Variants in BOD1L1 observed in about 807,000 individuals in gnomAD.
The protein encoded by BOD1L1 is biorientation of chromosomes in cell division 1 like 1.
Under a neutral mutation model 240.7 loss-of-function variants are expected in BOD1L1, and 86 were observed. The observed-to-expected ratio is 0.36, with a 90% CI of 0.30 to 0.43. The LOEUF (loss-of-function observed/expected upper bound fraction) is 0.43. BOD1L1 is among the 20% of genes least tolerant of loss of function. The pLI, the probability that BOD1L1 is intolerant of heterozygous loss-of-function variation, is 1.00. For missense variants in BOD1L1, 3,554 were observed against 3,643.5 expected (o/e 0.98, Z 0.63); for synonymous variants, 1,268 against 1,272.3 (o/e 1.00, Z 0.07).
chr4:13,597,093 A>G lies in BOD1L1; in HGVS notation c.8019+11T>C. 1 of 1,577,350 alleles carries G rather than the reference A, an allele frequency of 6.3e-7. No individual in the cohort carries two copies. The highest frequency in any genetic ancestry group is 8.6e-7 in the Non-Finnish European group (1 of 1,158,582). ...ACTTACAGTTCAGCACAGCTGAATT[A>G]TAAGCCATACCTCCATTTTCAAGTT... On this transcript the variant is annotated intron_variant, in intron 11 of 25. Transcript: ENST00000040738.
Position 13,602,746 on chromosome 4 carries a change from G to C in BOD1L1, c.4154C>G (p.Pro1385Arg). 6.2e-7 allele frequency: 1 copy of C among 1,613,944 alleles called. No individual in the cohort carries two copies. The highest frequency in any genetic ancestry group is 8.5e-7 in the Non-Finnish European group (1 of 1,179,880). The stretch of plus-strand genomic sequence containing the variant: ...CACGCCCGTTAACTTACTTCCAAGA[G>C]GCATGATTACCTTTCCTTGTTTACC... ...LDGKQGKVIM[P>R]LGSKLTGVIV... is the part of the protein sequence containing the mutation. The change falls in exon 10 of 26, where the codon CCT (proline) becomes CGT (arginine). Residue 1385 changes from proline to arginine, a missense_variant. Transcript: ENST00000040738.
At chr4:13,576,757 G>C in intron 25 of BOD1L1, 81 bp downstream of exon 25, 1 of 1,502,698 alleles carries the variant, frequency 6.7e-7, no homozygotes, top group Non-Finnish European at 8.9e-7. Flanking sequence ...TCAGTTCAAA[G>C]AGAATCCCAG....
chr4:13,577,146 C>T (rs1262985024), intron 24 of BOD1L1, among the ~76,000 whole-genome samples, 155 bp from the exon 25 acceptor site: 1 of 152,196 alleles, frequency 6.6e-6, no homozygotes, highest in African/African-American at 2.4e-5. Context: ...CAATTCACAA[C>T]TGTTTAACTT....
intron 25 of BOD1L1, among the ~76,000 whole-genome samples, chr4:13,576,128 C>T (rs975890121): frequency 1.1e-4 from 17 of 151,694 alleles, no homozygotes; most frequent in African/African-American, 1.9e-4. Flanking sequence ...TCTCGATCTC[C>T]GGACCTCGTG....
intron 2 of BOD1L1, among the ~76,000 whole-genome samples, chr4:13,618,051 G>A (rs989901128): frequency 2.6e-5 from 4 of 152,174 alleles, no homozygotes; most frequent in East Asian, 1.9e-4. Context: ...CCCTGACCTC[G>A]CACCAAACAT....
intron 1 of BOD1L1, chr4:13,625,187 C>T (rs1189430777): frequency 6.6e-6 from 1 of 152,138 alleles, no homozygotes; most frequent in Non-Finnish European, 1.5e-5. Flanking sequence ...GTAACAATAT[C>T]ATTCAATTCT....
At position 13,620,031 on chromosome 4, in the gene BOD1L1, A is replaced by C; in HGVS notation, c.280T>G (p.Phe94Val). 2 of 1,604,304 alleles carry C rather than the reference A, an allele frequency of 1.2e-6. No individual in the cohort carries two copies. Among genetic ancestry groups the C allele is most frequent in the Non-Finnish European group, 1.7e-6 (2 of 1,174,792 alleles). The change falls in exon 2 of 26, where the codon TTT becomes GTT. Residue 94 changes from phenylalanine to valine, a missense_variant. Phe to Val is a conservative substitution (Grantham distance 50). Transcript: ENST00000040738. ...TGAGTTGCCAAGTGATTTGCAACAA[A>C]GTTGTCAACACGCTGTCTCAGATTC... ...YQNLRQRVDNFVANHLATHTW... is the reference protein window; with the variant it reads ...YQNLRQRVDNVVANHLATHTW...
In BOD1L1 at chr4:13,601,987, A is replaced by G; in HGVS notation, c.4913T>C (p.Ile1638Thr). ...ADLLAVHAVK[I>T]EANVNSVVTE... ...CACAACGCTATTTACATTGGCTTCG[A>G]TTTTAACTGCATGCACAGCCAGTAG... The change falls in exon 10 of 26, where the codon ATC (isoleucine) becomes ACC (threonine). Residue 1638 changes from isoleucine (I) to threonine (T), a missense_variant. By Grantham distance (89) the Ile-to-Thr change is moderately conservative. Coordinates refer to ENST00000040738, the MANE Select transcript of BOD1L1 (RefSeq NM_148894.3). 2 of 1,613,990 alleles carry G rather than the reference A, an allele frequency of 1.2e-6. No individual in the cohort carries two copies. Among genetic ancestry groups the G allele is most frequent in the Non-Finnish European group, 8.5e-7 (1 of 1,179,896 alleles).
intron 25 of BOD1L1, among the ~76,000 whole-genome samples, chr4:13,576,433 T>C (rs1712748388): frequency 6.6e-6 from 1 of 152,182 alleles, no homozygotes; most frequent in Non-Finnish European, 1.5e-5. Flanking sequence ...GAGATGCATG[T>C]GATGACGGTG....
At chr4:13,623,624 C>A (rs941090485) in intron 1 of BOD1L1, 2 of 152,190 alleles carry the variant, frequency 1.3e-5, no homozygotes, top group Non-Finnish European at 2.9e-5. Flanking sequence ...AGATCTCTCT[C>A]CTGGTTAAGG....
At chr4:13,618,353 C>G (rs111596152) in intron 2 of BOD1L1, among the ~76,000 whole-genome samples, 2 of 152,188 alleles carry the variant, frequency 1.3e-5, no homozygotes, top group South Asian at 4.1e-4. Flanking sequence ...CAGTAGGGCT[C>G]TGTATAAATG....
intron 1 of BOD1L1, among the ~76,000 whole-genome samples, chr4:13,620,682 T>C (rs920455543): frequency 4.6e-5 from 7 of 152,198 alleles, no homozygotes; most frequent in African/African-American, 7.2e-5. Flanking sequence ...GGCAGAGTGA[T>C]AGAACAGCTA....
At chr4:13,618,754 T>G (rs908127666) in intron 2 of BOD1L1, among the ~76,000 whole-genome samples, 10 of 152,144 alleles carry the variant, frequency 6.6e-5, no homozygotes, top group Non-Finnish European at 1.5e-4. Context: ...GAATTTTGAT[T>G]TGTGGGGCTT....
intron 10 of BOD1L1, among the ~76,000 whole-genome samples, chr4:13,598,433 C>T (rs1374779596): frequency 1.3e-5 from 2 of 152,092 alleles, no homozygotes; most frequent in Non-Finnish European, 2.9e-5. Flanking sequence ...CTTATTATCC[C>T]CATTTTATAC....
At position 13,599,066 on chromosome 4, in the gene BOD1L1, T is replaced by C. The variant is rs1714848178; in HGVS notation, c.7834A>G (p.Lys2612Glu). 1 of 1,613,920 alleles carries C rather than the reference T, an allele frequency of 6.2e-7. No homozygotes were observed. Among genetic ancestry groups the C allele is most frequent in the South Asian group, 1.1e-5 (1 of 91,092 alleles). The change falls in exon 10 of 26, where the codon AAA becomes GAA. Residue 2612 changes from lysine (K) to glutamate (E), a missense_variant. By Grantham distance (56) the Lys-to-Glu change is moderately conservative (BLOSUM62 1). Transcript: ENST00000040738. Reference sequence around the variant, plus strand: ...TCAGCAGATGCTTGATCAGTCCATTTGCCACTATAATCATTCTTTATAGTC... The same window carrying C: ...TCAGCAGATGCTTGATCAGTCCATTCGCCACTATAATCATTCTTTATAGTC... Reference protein sequence around the residue: ...DLTIKNDYSGKWTDQASAEKT... With the variant: ...DLTIKNDYSGEWTDQASAEKT...
At chr4:13,624,066 T>G (rs1054654038) in intron 1 of BOD1L1, 1 of 151,956 alleles carries the variant, frequency 6.6e-6, no homozygotes, top group Non-Finnish European at 1.5e-5. Context: ...TATAAAATGG[T>G]ATTCAATGAG....
At position 13,590,423 on chromosome 4, in the gene BOD1L1, T is replaced by G; in HGVS notation, c.8172A>C (p.Thr2724=). 1 of 1,525,646 alleles carries G rather than the reference T, an allele frequency of 6.6e-7. No homozygotes were observed. The highest frequency in any genetic ancestry group is 9.0e-7 in the Non-Finnish European group (1 of 1,114,882). The allele number at this position is 1,525,646 out of a possible 1,614,324, so 94.5% of individuals were successfully genotyped here. A position where few individuals can be genotyped will look rare whatever the true frequency, so the allele number is the denominator to read the frequency against. The change falls in exon 14 of 26, where the codon ACA becomes ACC. Residue 2724 remains threonine, a synonymous_variant. Coordinates refer to ENST00000040738, the MANE Select transcript of BOD1L1 (RefSeq NM_148894.3). ...SLNVENSGFR[T]NEEIHSESYN... is the part of the protein sequence containing the mutation. ...AAGATTCGCTATGAATTTCTTCATT[T>G]GTTCTGAAGCCTGAATTTTCAACCT...
At position 13,601,984 on chromosome 4, in the gene BOD1L1, T is replaced by C. The variant is rs1437954571; in HGVS notation, c.4916A>G (p.Glu1639Gly). ...DLLAVHAVKI[E>G]ANVNSVVTEE... ...TGTCACAACGCTATTTACATTGGCT[T>C]CGATTTTAACTGCATGCACAGCCAG... Residue 1639 changes from glutamate to glycine, a missense_variant, in exon 10 of 26, where the codon GAA becomes GGA. Transcript: ENST00000040738. 1 of 1,614,036 alleles carries C rather than the reference T, an allele frequency of 6.2e-7. No individual in the cohort carries two copies. The highest frequency in any genetic ancestry group is 8.5e-7 in the Non-Finnish European group (1 of 1,179,906).
intron 8 of BOD1L1, among the ~76,000 whole-genome samples, 187 bp from the exon 9 acceptor site, chr4:13,607,376 T>C (rs1468672757): frequency 6.6e-6 from 1 of 152,228 alleles, no homozygotes; most frequent in East Asian, 1.9e-4. Flanking sequence ...CTTGGCTTAC[T>C]GCAATCTCCG....
Sources: gnomAD v4.1 joint callset for allele counts (sites outside exome capture counted in the v4.1 genomes callset) on GRCh38, gnomAD v4.1.1 for gene constraint, MANE v1.5 for transcripts, NCBI Gene and HGNC (gene_info 2026-07-23, HGNC 2026-07-21) for gene names.